The following KCTD13 variants were observed in gnomAD, a reference collection of about 807,000 sequenced individuals.
The protein encoded by KCTD13 is BTB/POZ domain-containing adapter for CUL3-mediated RhoA degradation protein 1.
A neutral mutation model predicts 32.3 loss-of-function variants in KCTD13; 15 were observed. The observed-to-expected ratio is 0.46, with a 90% CI of 0.31 to 0.71. The LOEUF (loss-of-function observed/expected upper bound fraction) is 0.71, where lower values mean the gene tolerates loss of function less well. Ranked by LOEUF, KCTD13 falls within the 30% of genes least tolerant of loss-of-function variation. The probability of loss-of-function intolerance (pLI) is 0.05; values close to 1 mark genes in which losing one functional copy is unlikely to be tolerated. For missense variants in KCTD13, 337 were observed against 452.6 expected (o/e 0.74, Z 2.32); for synonymous variants, 189 against 200.1 (o/e 0.94, Z 0.47).
chr16:29,911,643 GA>G (rs2068711352), intron 4 of KCTD13, 171 bp downstream of exon 4: 1 of 639,760 alleles, frequency 1.6e-6, no homozygotes, highest in Non-Finnish European at 2.7e-6. Flanking sequence ...CTGAAGCTGA[GA>G]AGCAGAAAGG....
At chr16:29,923,167 A>T (rs1332196129) in intron 2 of KCTD13, 23 bp downstream of exon 2, 2 of 1,613,146 alleles carry the variant, frequency 1.2e-6, no homozygotes. Flanking sequence ...GAACATAGGC[A>T]TGGGGACTCC....
Position 29,907,120 on chromosome 16 carries a change from C to A in KCTD13, c.754-12G>T. 6.4e-7 allele frequency: 1 copy of A among 1,574,058 alleles called. No homozygotes were observed. The highest frequency in any genetic ancestry group is 8.7e-7 in the Non-Finnish European group (1 of 1,149,240). On this transcript the variant is annotated splice_polypyrimidine_tract_variant and intron_variant, in intron 5 of 5. Transcript: ENST00000568000. The stretch of plus-strand genomic sequence containing the variant: ...TCTGGAAATTCCACCTGCAAAAGGC[C>A]AGCCGGCCCCAGCTCCTTCCTTCTG...
rs1413338154 is a variant in KCTD13, at chr16:29,923,876, AAAAGT to A, written c.245-522_245-518del. Among the ~76,000 whole-genome samples, 4 of 151,242 alleles carry A rather than the reference AAAAGT, an allele frequency of 2.6e-5. No individual in the cohort carries two copies. In the East Asian group the frequency reaches 7.8e-4, roughly 29 times the overall value. The stretch of plus-strand genomic sequence containing the variant: ...TCTCAAAACAAAAAAATAAAAAAAG[AAAAGT>A]AAAGAAAAGAAGGCCGGGCACGGTG... On this transcript the variant is annotated intron_variant, in intron 1 of 5. Coordinates refer to ENST00000568000, the MANE Select transcript of KCTD13 (RefSeq NM_178863.5).
chr16:29,923,573 G>A (rs1237003144), intron 1 of KCTD13, among the ~76,000 whole-genome samples: 1 of 152,058 alleles, frequency 6.6e-6, no homozygotes, highest in Non-Finnish European at 1.5e-5. Context: ...TAAGAAAAAA[G>A]GATTCCAGCC....
At chr16:29,917,994 G>A (rs765101290) in intron 2 of KCTD13, among the ~76,000 whole-genome samples, 1 of 152,000 alleles carries the variant, frequency 6.6e-6, no homozygotes. Flanking sequence ...CAGAAAATCA[G>A]AAAAACATTT....
In KCTD13 at chr16:29,911,949, G is replaced by A. The variant is rs748261049; in HGVS notation, c.504+11C>T. On this transcript the variant is annotated intron_variant, in intron 3 of 5. Coordinates refer to ENST00000568000, the MANE Select transcript of KCTD13 (RefSeq NM_178863.5). The stretch of plus-strand genomic sequence containing the variant: ...AGTGAGCCTCCACCCTGCAGGGCTT[G>A]GGGGCCTCACCTTGGAGGTGCTGGC... 5.6e-6 allele frequency: 9 copies of A among 1,610,290 alleles called. No individual in the cohort carries two copies. Among genetic ancestry groups the A allele is most frequent in the Non-Finnish European group, 2.5e-6 (3 of 1,178,596 alleles).
chr16:29,924,174 C>CAAAAAAAAAAAA (rs72170823), intron 1 of KCTD13, among the ~76,000 whole-genome samples: 2 of 143,600 alleles, frequency 1.4e-5, no homozygotes, highest in African/African-American at 2.6e-5. Context: ...AACTCCATCT[C>CAAAAAAAAAAAA]AAAAAAAAAG....
rs1008019405 is a variant in KCTD13 at position 29,906,656 on chromosome 16, G to T, written c.*216C>A. ...CAGGGTGGGGACAAGTGTTGGCTTC[G>T]GAAGGCTCTGAGTGGTGGGGCCGGA... On this transcript the variant is annotated 3_prime_UTR_variant, in exon 6 of 6. Coordinates refer to ENST00000568000, the MANE Select transcript of KCTD13 (RefSeq NM_178863.5). 1 of 680,954 alleles carries T rather than the reference G, an allele frequency of 1.5e-6. No individual in the cohort carries two copies. Among genetic ancestry groups the T allele is most frequent in the African/African-American group, 1.8e-5 (1 of 56,818 alleles). 42.2% of individuals were successfully genotyped at this position (680,954 alleles called of 1,614,324 possible).
chr16:29,918,122 G>T (rs1238235957), intron 2 of KCTD13, among the ~76,000 whole-genome samples: 1 of 152,236 alleles, frequency 6.6e-6, no homozygotes, highest in Non-Finnish European at 1.5e-5. Flanking sequence ...ATAATCTCAT[G>T]TAATAATGTT....
In KCTD13 at chr16:29,906,851, A is replaced by T. The variant is rs1466076468; in HGVS notation, c.*21T>A. 2 of 1,599,426 alleles carry T rather than the reference A, an allele frequency of 1.3e-6. No individual in the cohort carries two copies. Among genetic ancestry groups the T allele is most frequent in the African/African-American group, 2.7e-5 (2 of 74,572 alleles). The stretch of plus-strand genomic sequence containing the variant: ...GGGACTGGGTCCCAAGGCAAGAGGA[A>T]GGCAGGGGGAGGGTCAGAGGTCAGT... On this transcript the variant is annotated 3_prime_UTR_variant, in exon 6 of 6. Transcript: ENST00000568000.
intron 1 of KCTD13, among the ~76,000 whole-genome samples, chr16:29,923,782 A>G (rs1382293742): frequency 1.3e-5 from 2 of 151,852 alleles, no homozygotes; most frequent in East Asian, 3.9e-4. Context: ...TGAAGCCGGG[A>G]GGTGGAGTTT....
rs2068623701 is a variant in KCTD13 at position 29,906,962 on chromosome 16, G to C, written c.900C>G (p.Asn300Lys). 1 of 1,614,074 alleles carries C rather than the reference G, an allele frequency of 6.2e-7. No individual in the cohort carries two copies. Among genetic ancestry groups the C allele is most frequent in the Non-Finnish European group, 8.5e-7 (1 of 1,180,046 alleles). The change falls in exon 6 of 6, where the codon AAC becomes AAG. Residue 300 changes from asparagine (N) to lysine (K), a missense_variant. Physicochemically the swap from Asn to Lys is moderately conservative, Grantham distance 94. Transcript: ENST00000568000. ...GGAGRGEDEE[N>K]REHRVRRIHV... ...GGATCCTGCGGACACGGTGCTCTCG[G>C]TTCTCTTCATCCTCCCCGCGGCCAG...
chr16:29,911,865 G>T lies in KCTD13; in HGVS notation c.507C>A (p.Pro169=), dbSNP rs376560193. 1.5e-5 allele frequency: 24 copies of T among 1,612,046 alleles called. No homozygotes were observed. In the African/African-American group the frequency reaches 2.8e-4, roughly 19 times the overall value. The change falls in exon 4 of 6, where the codon CCC becomes CCA. Residue 169 remains proline, a splice_region_variant and synonymous_variant. Transcript: ENST00000568000. The stretch of plus-strand genomic sequence containing the variant: ...TGCGGTTGTGCAGGAGCTTCACCAC[G>T]GGCTGGCGGGGGAGAGAGGATGGAC... ...EQQLLASTSK[P]VVKLLHNRSN... is the part of the protein sequence containing the mutation.
intron 2 of KCTD13, chr16:29,919,701 T>C (rs2068873135): frequency 6.6e-6 from 1 of 152,064 alleles, no homozygotes; most frequent in Non-Finnish European, 1.5e-5. Flanking sequence ...AAAAACAGAT[T>C]ATAAAACATT....
At chr16:29,921,359 G>A (rs996591176) in intron 2 of KCTD13, 3 of 152,172 alleles carry the variant, frequency 2.0e-5, no homozygotes, top group Non-Finnish European at 2.9e-5. Flanking sequence ...GCCACACACT[G>A]AGGAGTGTGC....
At chr16:29,911,614 C>G in intron 4 of KCTD13, 1 of 611,904 alleles carries the variant, frequency 1.6e-6, no homozygotes, top group Non-Finnish European at 2.9e-6. Flanking sequence ...TCACCCAAAC[C>G]CATTTACTGA....
intron 4 of KCTD13, chr16:29,911,602 C>T: frequency 1.7e-6 from 1 of 603,854 alleles, no homozygotes; most frequent in Non-Finnish European, 2.9e-6. Flanking sequence ...ATCACTTTGT[C>T]CTCACCCAAA....
intron 2 of KCTD13, chr16:29,919,661 A>T (rs1477518895): frequency 1.3e-5 from 2 of 152,216 alleles, no homozygotes; most frequent in African/African-American, 4.8e-5. Context: ...ATTTATTGAC[A>T]TGTAAAGATG....
In KCTD13 at chr16:29,923,177, C is replaced by T. The variant is rs777969627; in HGVS notation, c.414+13G>A. ...CCCAGGAACATAGGCATGGGGACTC[C>T]GAAGGCCCTCACCTGCAGCGCCAGC... On this transcript the variant is annotated intron_variant, in intron 2 of 5. Transcript: ENST00000568000. 1.1e-5 allele frequency: 18 copies of T among 1,613,448 alleles called. No individual in the cohort carries two copies. The East Asian group carries it at 1.6e-4, about 14-fold the overall frequency.
Sources: gnomAD v4.1 joint callset for allele counts (sites outside exome capture counted in the v4.1 genomes callset) on GRCh38, gnomAD v4.1.1 for gene constraint, MANE v1.5 for transcripts, NCBI Gene and HGNC (gene_info 2026-07-23, HGNC 2026-07-21) for gene names.